DPP6: variants seen among roughly 807,000 people sequenced by gnomAD.
DPP6 encodes the protein dipeptidyl peptidase like 6.
DPP6 carries 69 observed loss-of-function variants against 122.6 expected under a neutral mutation model. That is an observed-to-expected ratio of 0.56 (90% CI 0.46 to 0.69). The LOEUF (loss-of-function observed/expected upper bound fraction) is 0.69. DPP6 is among the 30% of genes least tolerant of loss of function. DPP6 has a pLI of 0.00. For synonymous variants in DPP6, 418 were observed against 433.1 expected (o/e 0.97, Z 0.43); for missense variants, 928 against 1,116.9 (o/e 0.83, Z 2.41).
Position 154,794,163 on chromosome 7 carries a change from C to G in DPP6, c.1221C>G (p.Ile407Met), listed in dbSNP as rs760831044. The G allele has an allele frequency of 6.2e-7, 1 of 1,612,540 alleles. No individual in the cohort carries two copies. Among genetic ancestry groups the G allele is most frequent in the Non-Finnish European group, 8.5e-7 (1 of 1,179,290 alleles). The change falls in exon 11 of 26, where the codon ATC becomes ATG. Residue 407 changes from isoleucine to methionine, a missense_variant. By Grantham distance (10) the Ile-to-Met change is conservative (BLOSUM62 1). Coordinates refer to ENST00000377770, the MANE Select transcript of DPP6 (RefSeq NM_130797.4). ...TGAACCGGGCGCAGAACGTGTCCAT[C>G]CTCACCCTCTGCGACGCCACCACGG... ...TWLNRAQNVS[I>M]LTLCDATTGV...
intron 1 of DPP6, chr7:154,305,455 A>AC (rs755019911): frequency 6.4e-7 from 1 of 1,554,292 alleles, no homozygotes; most frequent in East Asian, 2.4e-5. Flanking sequence ...TCGCCGTCAG[A>AC]CCCCACCTGC....
chr7:154,269,665 G>T (rs1462816131), intron 1 of DPP6, among the ~76,000 whole-genome samples: 1 of 152,164 alleles, frequency 6.6e-6, no homozygotes, highest in Non-Finnish European at 1.5e-5. Flanking sequence ...TTCTGTAAAA[G>T]GATGAATTTG....
chr7:154,786,991 T>A (rs1449145445), intron 10 of DPP6, among the ~76,000 whole-genome samples: 1 of 152,202 alleles, frequency 6.6e-6, no homozygotes, highest in African/African-American at 2.4e-5. Context: ...TCTATCTACT[T>A]TCTGTCTTCC....
At chr7:153,774,977 A>G in the DPP6 span, among the ~76,000 whole-genome samples, 2 of 149,640 alleles carry the variant, frequency 1.3e-5, no homozygotes, top group East Asian at 3.9e-4. Context: ...CTGTCTTGGA[A>G]AAAAAAAAAG....
chr7:153,777,441 AT>A, the DPP6 span, among the ~76,000 whole-genome samples: 6 of 136,632 alleles, frequency 4.4e-5, no homozygotes, highest in South Asian at 2.6e-4. Flanking sequence ...GTACAGGAAC[AT>A]TTATAGCAGG....
At chr7:154,264,377 G>A (rs535032046) in intron 1 of DPP6, among the ~76,000 whole-genome samples, 3 of 152,174 alleles carry the variant, frequency 2.0e-5, no homozygotes, top group Admixed American at 6.5e-5. Context: ...GTCACATAAC[G>A]ATTAAGAACA....
intron 8 of DPP6, among the ~76,000 whole-genome samples, chr7:154,744,939 G>A (rs745806248): frequency 7.2e-5 from 11 of 152,200 alleles, no homozygotes; most frequent in African/African-American, 1.2e-4. Flanking sequence ...GATCCGAAAC[G>A]CGACCTTGCT....
intron 21 of DPP6, 162 bp downstream of exon 21, chr7:154,881,104 A>C (rs1447602400): frequency 2.5e-6 from 3 of 1,198,972 alleles, no homozygotes; most frequent in Non-Finnish European, 3.3e-6. Flanking sequence ...CAGCCGTGGG[A>C]GGTTTCATTT....
At chr7:154,321,617 A>C (rs1807962096) in intron 1 of DPP6, among the ~76,000 whole-genome samples, 1 of 151,778 alleles carries the variant, frequency 6.6e-6, no homozygotes, top group Non-Finnish European at 1.5e-5. Flanking sequence ...CCCCGTCTCT[A>C]CTAAAAATAC....
At chr7:154,133,179 T>C (rs1039648111) in intron 1 of DPP6, among the ~76,000 whole-genome samples, 1 of 152,192 alleles carries the variant, frequency 6.6e-6, no homozygotes, top group African/African-American at 2.4e-5. Context: ...ATATACCTCA[T>C]AGAAACAGGC....
At chr7:154,790,295 C>T (rs1045963195) in intron 10 of DPP6, among the ~76,000 whole-genome samples, 5 of 152,086 alleles carry the variant, frequency 3.3e-5, no homozygotes, top group Admixed American at 2.0e-4. Context: ...TGTTGCTATG[C>T]GGGTCATGAG....
chr7:154,632,229 A>T (rs1303926872), intron 5 of DPP6, among the ~76,000 whole-genome samples: 1 of 152,236 alleles, frequency 6.6e-6, no homozygotes, highest in East Asian at 1.9e-4. Flanking sequence ...TGTGCAGAGA[A>T]ACCTTTAGGC....
intron 8 of DPP6, among the ~76,000 whole-genome samples, chr7:154,747,005 C>A (rs376488958): frequency 2.0e-5 from 3 of 152,126 alleles, no homozygotes; most frequent in Non-Finnish European, 4.4e-5. Context: ...ATATCAGTTA[C>A]AATCATGCAG....
intron 1 of DPP6, among the ~76,000 whole-genome samples, chr7:154,218,343 G>T (rs990942292): frequency 3.3e-5 from 5 of 152,198 alleles, no homozygotes; most frequent in Non-Finnish European, 7.3e-5. Context: ...TCAAAGATGT[G>T]AAGGGGCAGC....
intron 16 of DPP6, among the ~76,000 whole-genome samples, chr7:154,832,887 C>T (rs1800742865): frequency 1.3e-5 from 2 of 152,246 alleles, no homozygotes; most frequent in Non-Finnish European, 2.9e-5. Context: ...ACCACATCGC[C>T]ACTGCCACAA....
At chr7:154,327,635 A>G (rs905814044) in intron 1 of DPP6, among the ~76,000 whole-genome samples, 2 of 152,198 alleles carry the variant, frequency 1.3e-5, no homozygotes, top group African/African-American at 4.8e-5. Context: ...CCTTTCAAAG[A>G]CGGAACTAGA....
intron 2 of DPP6, among the ~76,000 whole-genome samples, 171 bp from the exon 3 acceptor site, chr7:154,474,768 G>A (rs1443271179): frequency 6.6e-6 from 1 of 152,172 alleles, no homozygotes; most frequent in Non-Finnish European, 1.5e-5. Context: ...CATAGGTTTT[G>A]ATAGTTTAAT....
intron 14 of DPP6, among the ~76,000 whole-genome samples, chr7:154,804,539 G>T (rs1203676950): frequency 6.6e-6 from 1 of 152,130 alleles, no homozygotes; most frequent in South Asian, 2.1e-4. Flanking sequence ...TATTTATTGG[G>T]CCAGGCTATA....
intron 10 of DPP6, 30 bp downstream of exon 10, chr7:154,772,972 A>G (rs1796337024): frequency 6.6e-7 from 1 of 1,519,574 alleles, no homozygotes; most frequent in Non-Finnish European, 8.8e-7. Flanking sequence ...GTTACCAAAA[A>G]AAAAAAAAAA....
Sources: allele counts gnomAD v4.1 joint callset (sites outside exome capture counted in the v4.1 genomes callset), GRCh38; gene constraint gnomAD v4.1.1; transcripts MANE v1.5; gene names NCBI Gene and HGNC (gene_info 2026-07-23, HGNC 2026-07-21).